The following CUL2 variants were observed in gnomAD, a reference collection of about 807,000 sequenced individuals.
The protein encoded by CUL2 is cullin 2.
Under a neutral mutation model 110.2 loss-of-function variants are expected in CUL2, and 22 were observed. That is an observed-to-expected ratio of 0.20 (90% confidence interval 0.14 to 0.28). The LOEUF (loss-of-function observed/expected upper bound fraction) is 0.28. Ranked by LOEUF, CUL2 falls within the 10% of genes least tolerant of loss-of-function variation. The pLI is 1.00. For synonymous variants in CUL2, 279 were observed against 293.2 expected, an observed-to-expected ratio of 0.95 and a Z score of 0.49; for missense variants, 631 against 905.5, an observed-to-expected ratio of 0.70 and a Z score of 3.89.
At chr10:35,071,965 C>G (rs2086692943) in intron 1 of CUL2, among the ~76,000 whole-genome samples, 1 of 152,138 alleles carries the variant, frequency 6.6e-6, no homozygotes, top group Non-Finnish European at 1.5e-5. Flanking sequence ...CGGGGACCCA[C>G]TTAACCAAAA....
At chr10:35,094,457 A>T (rs1268300853), upstream of CUL2, among the ~76,000 whole-genome samples, 1 of 152,050 alleles carries the variant, frequency 6.6e-6, no homozygotes, top group Non-Finnish European at 1.5e-5. Flanking sequence ...CTGGTCTTGA[A>T]CTCCTGACCT....
chr10:35,075,583 A>G (rs533908901), intron 1 of CUL2, among the ~76,000 whole-genome samples: 9 of 150,736 alleles, frequency 6.0e-5, no homozygotes, highest in African/African-American at 1.9e-4. Context: ...TCTTGCAACA[A>G]TGGGGTTTTA....
intron 4 of CUL2, among the ~76,000 whole-genome samples, chr10:35,055,401 CA>C (rs1192784715): frequency 6.6e-6 from 1 of 152,168 alleles, no homozygotes; most frequent in Non-Finnish European, 1.5e-5. Flanking sequence ...AAAACGAAGA[CA>C]ACCAAAACAA....
At chr10:35,010,507 C>T in intron 20 of CUL2, 65 bp from the exon 21 acceptor site, 1 of 1,500,928 alleles carries the variant, frequency 6.7e-7, no homozygotes, top group South Asian at 1.3e-5. Context: ...TGACTTTTAA[C>T]CAATCAGTTT....
Position 35,013,787 on chromosome 10 carries a change from G to A in CUL2, c.1901C>T (p.Ala634Val). The change falls in exon 19 of 21, where the codon GCA becomes GTA. Residue 634 changes from alanine (A) to valine (V), a missense_variant. Transcript: ENST00000374749. ...NHDSEKEDID[A>V]ESSFSLNMNF... is the part of the protein sequence containing the mutation. Reference sequence around the variant, plus strand: ...CATATTTAATGAAAACGAAGATTCTGCATCAATATCTTCCTACATTTAAAA... The same window carrying A: ...CATATTTAATGAAAACGAAGATTCTACATCAATATCTTCCTACATTTAAAA... The A allele has an allele frequency of 1.3e-6, 2 of 1,509,588 alleles. No individual in the cohort carries two copies. Among genetic ancestry groups the A allele is most frequent in the Non-Finnish European group, 1.8e-6 (2 of 1,115,562 alleles). 93.5% of individuals were successfully genotyped at this position (1,509,588 alleles called of 1,614,324 possible). A position where few individuals can be genotyped will look rare whatever the true frequency, so the allele number is the denominator to read the frequency against.
intron 3 of CUL2, among the ~76,000 whole-genome samples, chr10:35,061,499 A>T (rs1021896430): frequency 6.6e-6 from 1 of 152,000 alleles, no homozygotes; most frequent in African/African-American, 2.4e-5. Context: ...AATGTAACCT[A>T]AAATATAAAA....
At position 35,011,850 on chromosome 10, in the gene CUL2, C is replaced by G. The variant is rs2084910544; in HGVS notation, c.2104G>C (p.Glu702Gln). 1 of 1,587,622 alleles carries G rather than the reference C, an allele frequency of 6.3e-7. No individual in the cohort carries two copies. Among genetic ancestry groups the G allele is most frequent in the Non-Finnish European group, 8.6e-7 (1 of 1,156,350 alleles). The change falls in exon 20 of 21, where the codon GAG becomes CAG. Residue 702 changes from glutamate (E) to glutamine (Q), a missense_variant and splice_region_variant. Glu to Gln is a conservative substitution (Grantham distance 29). Coordinates refer to ENST00000374749, the MANE Select transcript of CUL2 (RefSeq NM_003591.4). ...KVLRHNALIQ[E>Q]VISQSRARFN... is the part of the protein sequence containing the mutation. ...CCTGAGGACTGCCCTCCTTTTACCT[C>G]TTGAATAAGGGCATTGTGCCGAAGC...
chr10:35,098,798 G>T (rs1312365148), intron 2 of CUL2, among the ~76,000 whole-genome samples: 1 of 152,142 alleles, frequency 6.6e-6, no homozygotes, highest in Non-Finnish European at 1.5e-5. Flanking sequence ...GCTGGGCACG[G>T]TGGCAGGCGC....
chr10:35,087,670 C>T (rs545040675), intron 1 of CUL2, among the ~76,000 whole-genome samples: 1 of 152,302 alleles, frequency 6.6e-6, no homozygotes, highest in East Asian at 1.9e-4. Context: ...ATTGACCCAT[C>T]CCAACTGCAT....
chr10:35,066,945 T>C (rs1474945051), intron 2 of CUL2, among the ~76,000 whole-genome samples: 1 of 152,136 alleles, frequency 6.6e-6, no homozygotes, highest in East Asian at 1.9e-4. Flanking sequence ...TATTTTTCAA[T>C]GACATCAAAA....
At chr10:35,017,303 A>G (rs2085061118) in intron 17 of CUL2, among the ~76,000 whole-genome samples, 1 of 152,008 alleles carries the variant, frequency 6.6e-6, no homozygotes, top group Non-Finnish European at 1.5e-5. Flanking sequence ...TCTTGCTGAA[A>G]GTTGATAGCA....
intron 18 of CUL2, among the ~76,000 whole-genome samples, chr10:35,014,561 G>A (rs180730887): frequency 2.6e-5 from 4 of 152,210 alleles, no homozygotes; most frequent in African/African-American, 7.2e-5. Flanking sequence ...GGCCAGGCAT[G>A]GTGGCTCACG....
chr10:35,035,213 C>G lies in CUL2; in HGVS notation c.961G>C (p.Asp321His), dbSNP rs1012913398. 2 of 1,614,088 alleles carry G rather than the reference C, an allele frequency of 1.2e-6. No individual in the cohort carries two copies. Among genetic ancestry groups the G allele is most frequent in the African/African-American group, 2.7e-5 (2 of 74,920 alleles). The change falls in exon 10 of 21, where the codon GAT becomes CAT. Residue 321 changes from aspartate to histidine, a missense_variant. Transcript: ENST00000374749. ...TTGCTGGTTGCTCGAAGGCCCTCAT[C>G]ATGGATGTGGTTTTGCAGCTCCTGA... Reference protein sequence around the residue: ...MIQELQNHIHDEGLRATSNLT... With the variant: ...MIQELQNHIHHEGLRATSNLT...
At chr10:35,113,091 G>A (rs1278891405) in intron 1 of CUL2, among the ~76,000 whole-genome samples, 2 of 147,052 alleles carry the variant, frequency 1.4e-5, no homozygotes. Context: ...GTTGAGGCAG[G>A]AGAATGGCTT....
intron 8 of CUL2, among the ~76,000 whole-genome samples, chr10:35,042,108 C>A (rs1237034181): frequency 1.3e-5 from 2 of 152,152 alleles, no homozygotes; most frequent in African/African-American, 2.4e-5. Context: ...CCATTGTCTA[C>A]TTCCAAATAT....
At chr10:35,114,220 C>A (rs1251301057) in intron 1 of CUL2, among the ~76,000 whole-genome samples, 1 of 151,676 alleles carries the variant, frequency 6.6e-6, no homozygotes, top group East Asian at 1.9e-4. Flanking sequence ...CCGCACCTGG[C>A]CCCGTATTTT....
intron 17 of CUL2, among the ~76,000 whole-genome samples, chr10:35,024,613 T>C (rs1250988824): frequency 6.6e-6 from 1 of 152,224 alleles, no homozygotes; most frequent in East Asian, 1.9e-4. Flanking sequence ...TGGACTCCAT[T>C]GTTCCAGAAA....
intron 1 of CUL2, among the ~76,000 whole-genome samples, chr10:35,115,798 C>G (rs1456243722): frequency 2.6e-5 from 4 of 151,958 alleles, no homozygotes; most frequent in African/African-American, 9.7e-5. Flanking sequence ...GGGACTGAGG[C>G]AGAAGGATGG....
intron 2 of CUL2, among the ~76,000 whole-genome samples, chr10:35,095,683 C>T (rs776029183): frequency 3.9e-5 from 6 of 152,042 alleles, no homozygotes; most frequent in African/African-American, 1.2e-4. Flanking sequence ...CTCAGACTCC[C>T]GAGTAGCTGG....
Sources: allele counts gnomAD v4.1 joint callset (sites outside exome capture counted in the v4.1 genomes callset), GRCh38; gene constraint gnomAD v4.1.1; transcripts MANE v1.5; gene names NCBI Gene and HGNC (gene_info 2026-07-23, HGNC 2026-07-21).